The following XPO7 variants were observed in gnomAD, a reference collection of about 807,000 sequenced individuals.
XPO7 encodes exportin 7, also known as exportin-7.
A neutral mutation model predicts 144.3 loss-of-function variants in XPO7; 21 were observed. The observed-to-expected ratio is 0.15, with a 90% CI of 0.10 to 0.21. XPO7 has a LOEUF of 0.21. Ranked by LOEUF, XPO7 falls within the 10% of genes least tolerant of loss-of-function variation. The pLI is 1.00. For synonymous variants in XPO7, 580 were observed against 499.6 expected (o/e 1.16, Z -2.15); for missense variants, 808 against 1,325.8 (o/e 0.61, Z 6.06).
Position 22,005,184 on chromosome 8 carries a change from T to A in XPO7, c.*96T>A. 1 of 1,059,584 alleles carries A rather than the reference T, an allele frequency of 9.4e-7. No homozygotes were observed. The highest frequency in any genetic ancestry group is 1.4e-6 in the Non-Finnish European group (1 of 737,496). The allele number at this position is 1,059,584 out of a possible 1,614,324, so 65.6% of individuals were successfully genotyped here. A position where few individuals can be genotyped will look rare whatever the true frequency, so the allele number is the denominator to read the frequency against. ...GGGAGAGGGCCTGGCTGATCCTGGC[T>A]CTTTTCTCCAGGGGTGTGGGGAAAA... On this transcript the variant is annotated 3_prime_UTR_variant, in exon 28 of 28. Transcript: ENST00000252512.
Position 21,998,920 on chromosome 8 carries a change from AG to A in XPO7, c.2428+84del. 1.2e-5 allele frequency: 19 copies of A among 1,527,346 alleles called. No individual in the cohort carries two copies. The South Asian group carries it at 2.2e-4, about 17-fold the overall frequency. The allele number at this position is 1,527,346 out of a possible 1,614,324, so 94.6% of individuals were successfully genotyped here. On this transcript the variant is annotated intron_variant, in intron 22 of 27. Transcript: ENST00000252512. ...GTAAGCAGCATGTGGGTCTCTGGCCAGTCCTGGCAGGAGCCAGGACAGCATT... is the reference window on the plus strand; with the variant it reads ...GTAAGCAGCATGTGGGTCTCTGGCCATCCTGGCAGGAGCCAGGACAGCATT...
At chr8:21,963,249 C>T (rs1437772662) in intron 1 of XPO7, among the ~76,000 whole-genome samples, 2 of 152,286 alleles carry the variant, frequency 1.3e-5, no homozygotes, top group East Asian at 1.9e-4. Flanking sequence ...CTCTTCAGAA[C>T]ACCTGCGGAT....
rs371094573 is a variant in XPO7 at position 21,974,723 on chromosome 8, C to T, written c.546C>T (p.Arg182=). 2.3e-5 allele frequency: 36 copies of T among 1,591,358 alleles called. No individual in the cohort carries two copies. Among genetic ancestry groups the T allele is most frequent in the South Asian group, 1.5e-4 (13 of 86,944 alleles). The change falls in exon 6 of 28, where the codon CGC becomes CGT. Residue 182 remains arginine, a synonymous_variant. Coordinates refer to ENST00000252512, the MANE Select transcript of XPO7 (RefSeq NM_015024.5). ...TKHRKIASSF[R]DSSLFDIFTL... ...ACAGAAAAATAGCCTCTTCTTTTCG[C>T]GATTCATCATTATTTGATATCTTCA...
intron 6 of XPO7, among the ~76,000 whole-genome samples, chr8:21,975,102 A>C (rs542652391): frequency 6.6e-6 from 1 of 152,368 alleles, no homozygotes; most frequent in African/African-American, 2.4e-5. Flanking sequence ...TTTTATAACC[A>C]CATAAAATCT....
At chr8:21,973,023 CA>C (rs1193174441) in intron 5 of XPO7, among the ~76,000 whole-genome samples, 2 of 151,938 alleles carry the variant, frequency 1.3e-5, no homozygotes, top group Admixed American at 6.5e-5. Flanking sequence ...ATTCTCAGAA[CA>C]GTCATATGAG....
At position 21,919,776 on chromosome 8, in the gene XPO7, G is replaced by A. The variant is rs1452908877; in HGVS notation, c.6G>A (p.Ala2=). M[A]DHVQSLAQLE... ...AGGAGCATGAATGGAGCAAAATGGC[G>A]GATCATGTGCAGGTGAGAGGAGCCG... Residue 2 remains alanine (A), a synonymous_variant, in exon 1 of 28, where the codon GCG becomes GCA. Transcript: ENST00000252512. The A allele has an allele frequency of 6.1e-6, 4 of 657,164 alleles. No individual in the cohort carries two copies. Among genetic ancestry groups the A allele is most frequent in the Non-Finnish European group, 8.4e-6 (4 of 476,970 alleles). 40.7% of individuals were successfully genotyped at this position (657,164 alleles called of 1,614,324 possible). A position where few individuals can be genotyped will look rare whatever the true frequency, so the allele number is the denominator to read the frequency against.
At chr8:21,923,093 T>C (rs1037958502) in intron 1 of XPO7, among the ~76,000 whole-genome samples, 3 of 152,256 alleles carry the variant, frequency 2.0e-5, no homozygotes, top group African/African-American at 7.2e-5. Flanking sequence ...TAGTCCATTT[T>C]GAAAAGGGAG....
intron 17 of XPO7, 118 bp from the exon 18 acceptor site, chr8:21,990,693 T>A: frequency 9.4e-7 from 1 of 1,058,532 alleles, no homozygotes; most frequent in Non-Finnish European, 1.4e-6. Context: ...CTTCAGATCC[T>A]CAAGGAATGA....
At chr8:21,926,163 C>G (rs977537355) in intron 1 of XPO7, among the ~76,000 whole-genome samples, 1 of 151,978 alleles carries the variant, frequency 6.6e-6, no homozygotes, top group African/African-American at 2.4e-5. Flanking sequence ...AAAAAAAAAT[C>G]AAAATATTTT....
chr8:21,923,231 A>G (rs1810348975), intron 1 of XPO7, among the ~76,000 whole-genome samples: 1 of 152,236 alleles, frequency 6.6e-6, no homozygotes. Flanking sequence ...CAGAGGATTC[A>G]GAATGAGAAA....
At position 21,930,219 on chromosome 8, in the gene XPO7, A is replaced by G. The variant is rs536335640; in HGVS notation, c.18+10431A>G. 2.6e-5 allele frequency among the ~76,000 whole-genome samples: 4 copies of G among 152,338 alleles called. No homozygotes were observed. The South Asian group carries it at 8.3e-4, about 32-fold the overall frequency. ...ATTTAACAGAATAGTATTGTTTAGA[A>G]TGGTATTATCCTTCTGGTTATTTGG... is the stretch of plus-strand genomic sequence containing the variant. On this transcript the variant is annotated intron_variant, in intron 1 of 27. Coordinates refer to ENST00000252512, the MANE Select transcript of XPO7 (RefSeq NM_015024.5).
At chr8:21,922,636 A>C (rs746850344) in intron 1 of XPO7, among the ~76,000 whole-genome samples, 4 of 152,194 alleles carry the variant, frequency 2.6e-5, no homozygotes, top group Non-Finnish European at 5.9e-5. Context: ...GAAGAAGATT[A>C]AGAAGGATCA....
chr8:21,980,753 C>T (rs561754008), intron 9 of XPO7, among the ~76,000 whole-genome samples: 4 of 148,668 alleles, frequency 2.7e-5, no homozygotes, highest in South Asian at 2.1e-4. Context: ...CCAGCTTGGG[C>T]GACAGAGTAA....
intron 5 of XPO7, 89 bp from the exon 6 acceptor site, chr8:21,974,581 G>A: frequency 1.2e-6 from 1 of 829,572 alleles, no homozygotes; most frequent in Non-Finnish European, 1.9e-6. Flanking sequence ...TGCTCTTACT[G>A]GAAATCCTTC....
intron 1 of XPO7, among the ~76,000 whole-genome samples, chr8:21,953,010 C>A (rs923887071): frequency 1.3e-5 from 2 of 152,014 alleles, no homozygotes; most frequent in East Asian, 3.9e-4. Context: ...CCCTGTTATC[C>A]GCCCCTCCCC....
rs372397103 is a variant in XPO7 at position 21,981,767 on chromosome 8, A to C, written c.994A>C (p.Arg332=). The stretch of plus-strand genomic sequence containing the variant: ...CCCAAACAATTACCATGAGTTTTGC[A>C]GACTACTGGCCCGATTGAAGAGTAA... ...SDPNNYHEFC[R]LLARLKSNYQ... The change falls in exon 10 of 28, where the codon AGA becomes CGA. Residue 332 remains arginine, a synonymous_variant. Transcript: ENST00000252512. The C allele has an allele frequency of 6.9e-4, 1,115 of 1,613,936 alleles. 14 individuals are homozygous for C. In the South Asian group the frequency reaches 0.011, roughly 16 times the overall value.
In XPO7 at chr8:21,980,215, T is replaced by C. The variant is rs373152522; in HGVS notation, c.957+12T>C. On this transcript the variant is annotated intron_variant, in intron 9 of 27. Transcript: ENST00000252512. ...TGGAAAACCCACAGGTAAGTTTATC[T>C]GAGAATTTACATATGTATAGGATTA... 25 of 1,571,374 alleles carry C rather than the reference T, an allele frequency of 1.6e-5. No individual in the cohort carries two copies. Among genetic ancestry groups the C allele is most frequent in the Admixed American group, 1.9e-5 (1 of 53,238 alleles).
intron 1 of XPO7, among the ~76,000 whole-genome samples, chr8:21,952,605 C>G (rs547866646): frequency 2.6e-5 from 4 of 152,274 alleles, no homozygotes; most frequent in Admixed American, 1.3e-4. Flanking sequence ...AATCGAAGGA[C>G]TTTCTATATA....
intron 25 of XPO7, among the ~76,000 whole-genome samples, chr8:22,002,633 AAG>A (rs1813189998): frequency 2.1e-5 from 3 of 143,692 alleles, no homozygotes; most frequent in African/African-American, 9.0e-5. Flanking sequence ...ACAAAACAGG[AAG>A]AAGAATGCAA....
Sources: gnomAD v4.1 joint callset for allele counts (sites outside exome capture counted in the v4.1 genomes callset) on GRCh38, gnomAD v4.1.1 for gene constraint, MANE v1.5 for transcripts, NCBI Gene and HGNC (gene_info 2026-07-23, HGNC 2026-07-21) for gene names.